Variants in ARHGAP15 observed in about 807,000 individuals in gnomAD.
ARHGAP15 encodes rho GTPase-activating protein 15.
ARHGAP15 carries 51 observed loss-of-function variants against 63.7 expected under a neutral mutation model. The observed-to-expected ratio is 0.80, with a 90% confidence interval of 0.64 to 1.01. The LOEUF (loss-of-function observed/expected upper bound fraction) is 1.01. Among genes scored for constraint, ARHGAP15 ranks in the 50% least tolerant of loss-of-function variants. The pLI, the probability that ARHGAP15 is intolerant of heterozygous loss-of-function variation, is 0.00. For synonymous variants in ARHGAP15, 191 were observed against 193.8 expected, an observed-to-expected ratio of 0.99 and a Z score of 0.12; for missense variants, 560 against 564.6, an observed-to-expected ratio of 0.99 and a Z score of 0.08.
intron 2 of ARHGAP15, among the ~76,000 whole-genome samples, chr2:143,172,532 T>C (rs756091440): frequency 2.0e-5 from 3 of 152,020 alleles, no homozygotes; most frequent in Non-Finnish European, 4.4e-5. Context: ...TTGTGCTAGA[T>C]TGGTTGAGTG....
chr2:143,579,364 T>C (rs1696801110), intron 11 of ARHGAP15, among the ~76,000 whole-genome samples: 1 of 152,192 alleles, frequency 6.6e-6, no homozygotes, highest in African/African-American at 2.4e-5. Context: ...CTCAAAATCA[T>C]AGGCCCTAAC....
At chr2:143,311,739 A>G (rs1335579669) in intron 6 of ARHGAP15, among the ~76,000 whole-genome samples, 3 of 152,148 alleles carry the variant, frequency 2.0e-5, no homozygotes, top group African/African-American at 7.2e-5. Context: ...CATATGTCTA[A>G]GCTCACAAAT....
intron 10 of ARHGAP15, among the ~76,000 whole-genome samples, chr2:143,523,454 TTTC>T (rs1410439577): frequency 6.6e-6 from 1 of 152,150 alleles, no homozygotes; most frequent in Non-Finnish European, 1.5e-5. Context: ...TGCAAGTTAT[TTTC>T]TTAACATTGT....
At chr2:143,639,556 AAAC>A (rs939332989) in intron 12 of ARHGAP15, among the ~76,000 whole-genome samples, 2 of 152,170 alleles carry the variant, frequency 1.3e-5, no homozygotes, top group African/African-American at 2.4e-5. Context: ...CACTAGAAGA[AAAC>A]AACAACAATC....
At chr2:143,699,357 C>T (rs2105412655) in intron 12 of ARHGAP15, among the ~76,000 whole-genome samples, 1 of 152,252 alleles carries the variant, frequency 6.6e-6, no homozygotes, top group South Asian at 2.1e-4. Flanking sequence ...TCTCTCTAAG[C>T]CATGGTACAC....
intron 1 of ARHGAP15, 146 bp from the exon 2 acceptor site, chr2:143,155,331 A>G (rs1448239084): frequency 8.7e-6 from 6 of 692,616 alleles, no homozygotes; most frequent in Non-Finnish European, 1.1e-5. Flanking sequence ...TTACAAAGGA[A>G]CTACTTTTTT....
intron 1 of ARHGAP15, among the ~76,000 whole-genome samples, chr2:143,134,687 T>G (rs1052882211): frequency 2.7e-5 from 4 of 147,886 alleles, no homozygotes; most frequent in Non-Finnish European, 4.4e-5. Context: ...CAAGCTGGAG[T>G]GCAGTGGTGC....
chr2:143,234,018 C>T (rs758935759), intron 5 of ARHGAP15, among the ~76,000 whole-genome samples: 7 of 152,048 alleles, frequency 4.6e-5, no homozygotes, highest in Non-Finnish European at 4.4e-5. Flanking sequence ...CAGTTAAACC[C>T]ATGTTAAATT....
At chr2:143,607,849 A>G (rs1281840665) in intron 11 of ARHGAP15, 2 of 152,168 alleles carry the variant, frequency 1.3e-5, no homozygotes, top group African/African-American at 2.4e-5. Context: ...CTTCATTTAC[A>G]TCTAAAATGG....
chr2:143,397,654 A>ATGTT (rs1687831023), intron 6 of ARHGAP15, among the ~76,000 whole-genome samples: 1 of 152,110 alleles, frequency 6.6e-6, no homozygotes, highest in African/African-American at 2.4e-5. Flanking sequence ...GCAATTTAAC[A>ATGTT]AAACCTAACA....
intron 9 of ARHGAP15, among the ~76,000 whole-genome samples, chr2:143,500,988 C>T (rs1322030310): frequency 6.6e-6 from 1 of 152,092 alleles, no homozygotes; most frequent in East Asian, 1.9e-4. Flanking sequence ...GAATATAACA[C>T]TCCTAACATG....
chr2:143,141,308 C>A (rs933399508), intron 1 of ARHGAP15, among the ~76,000 whole-genome samples: 3 of 152,036 alleles, frequency 2.0e-5, no homozygotes, highest in African/African-American at 7.2e-5. Flanking sequence ...AATTTCAGTA[C>A]TAATTCTGAA....
chr2:143,534,644 T>C (rs1694670972), intron 10 of ARHGAP15, among the ~76,000 whole-genome samples: 1 of 152,014 alleles, frequency 6.6e-6, no homozygotes, highest in Non-Finnish European at 1.5e-5. Context: ...TTTGGGAGGC[T>C]GAGGTGGGCA....
At chr2:143,579,274 T>C (rs552621382) in intron 11 of ARHGAP15, among the ~76,000 whole-genome samples, 14 of 152,024 alleles carry the variant, frequency 9.2e-5, no homozygotes, top group Non-Finnish European at 1.9e-4. Flanking sequence ...AATCAGAGAG[T>C]GTAAAGTTGC....
intron 13 of ARHGAP15, among the ~76,000 whole-genome samples, chr2:143,758,267 T>G (rs1408383979): frequency 1.3e-5 from 2 of 151,404 alleles, no homozygotes; most frequent in African/African-American, 2.4e-5. Context: ...ATTATTTATA[T>G]ACAAGTGTGT....
Position 143,716,142 on chromosome 2 carries a change from C to T in ARHGAP15, c.1244+12618C>T, listed in dbSNP as rs549188652. Among the ~76,000 whole-genome samples the T allele has an allele frequency of 7.2e-5, 11 of 152,002 alleles. 1 individual carries two copies. The highest frequency in any genetic ancestry group is 6.2e-4 in the South Asian group (3 of 4,804). On this transcript the variant is annotated intron_variant, in intron 13 of 13. Transcript: ENST00000295095. Reference sequence around the variant, plus strand: ...GCACACGTTTAACTATGTAACAAACCGGCACATCCTGCATAGTTACTCCTG... The same window carrying T: ...GCACACGTTTAACTATGTAACAAACTGGCACATCCTGCATAGTTACTCCTG...
At chr2:143,490,125 G>A (rs572783593) in intron 9 of ARHGAP15, among the ~76,000 whole-genome samples, 2 of 151,888 alleles carry the variant, frequency 1.3e-5, no homozygotes, top group South Asian at 2.1e-4. Context: ...TCAGCCTCCC[G>A]AGTAGCTGGG....
At chr2:143,475,498 C>G (rs1045297360) in intron 8 of ARHGAP15, among the ~76,000 whole-genome samples, 1 of 152,236 alleles carries the variant, frequency 6.6e-6, no homozygotes, top group African/African-American at 2.4e-5. Context: ...GAGAGACTCA[C>G]TGACTCTGGC....
chr2:143,556,053 T>C (rs1216532871), intron 10 of ARHGAP15, among the ~76,000 whole-genome samples: 1 of 152,072 alleles, frequency 6.6e-6, no homozygotes, highest in Admixed American at 6.6e-5. Context: ...TCTCGAGTTA[T>C]TTTACCTTGC....
Sources: allele counts gnomAD v4.1 joint callset (sites outside exome capture counted in the v4.1 genomes callset), GRCh38; gene constraint gnomAD v4.1.1; transcripts MANE v1.5; gene names NCBI Gene and HGNC (gene_info 2026-07-23, HGNC 2026-07-21).